Variants in ADARB2 observed in about 807,000 individuals in gnomAD.
ADARB2 encodes the protein inactive double-stranded RNA-specific editase B2.
A neutral mutation model predicts 62.2 loss-of-function variants in ADARB2; 25 were observed. The observed-to-expected ratio is 0.40, with a 90% CI of 0.29 to 0.56. The LOEUF (loss-of-function observed/expected upper bound fraction) is 0.56. Among genes scored for constraint, ADARB2 ranks in the 20% least tolerant of loss-of-function variants. The pLI is 0.43. For missense variants in ADARB2, 1,071 were observed against 1,077.4 expected (o/e 0.99, Z 0.08); for synonymous variants, 572 against 500.8 (o/e 1.14, Z -1.90).
At chr10:1,332,125 TG>T (rs1831933579) in intron 3 of ADARB2, among the ~76,000 whole-genome samples, 1 of 152,248 alleles carries the variant, frequency 6.6e-6, no homozygotes, top group Non-Finnish European at 1.5e-5. Flanking sequence ...ACACACTTGC[TG>T]GGTGTGGTGG....
intron 1 of ADARB2, among the ~76,000 whole-genome samples, chr10:1,641,012 G>A (rs545837861): frequency 2.0e-5 from 3 of 152,164 alleles, no homozygotes; most frequent in South Asian, 2.1e-4. Context: ...AGATTCTAGC[G>A]AAAAAGTATT....
intron 1 of ADARB2, among the ~76,000 whole-genome samples, chr10:1,616,563 A>G (rs1403649444): frequency 1.2e-5 from 1 of 82,770 alleles, no homozygotes; most frequent in Non-Finnish European, 2.5e-5. Context: ...GTCCAGACAC[A>G]CTCCGCACCA....
At chr10:1,510,174 CTTTCTTTCTT>C (rs1347599477) in intron 1 of ADARB2, among the ~76,000 whole-genome samples, 2 of 80,628 alleles carry the variant, frequency 2.5e-5, no homozygotes, top group African/African-American at 4.7e-5. Context: ...CTTTCTTTTT[CTTTCTTTCTT>C]TTTCTTTCTT....
At chr10:1,616,715 G>A (rs1212604882) in intron 1 of ADARB2, among the ~76,000 whole-genome samples, 1 of 147,406 alleles carries the variant, frequency 6.8e-6, no homozygotes, top group African/African-American at 2.5e-5. Flanking sequence ...GCTGCATTCT[G>A]TTGCTAGATG....
intron 1 of ADARB2, among the ~76,000 whole-genome samples, chr10:1,553,013 G>A (rs1454536068): frequency 6.6e-6 from 1 of 152,202 alleles, no homozygotes; most frequent in Non-Finnish European, 1.5e-5. Flanking sequence ...GTCACTGTGG[G>A]AACATCCTGG....
chr10:1,345,963 C>T lies in ADARB2; in HGVS notation c.1077+17065G>A, dbSNP rs909308159. 2.6e-5 allele frequency among the ~76,000 whole-genome samples: 4 copies of T among 152,228 alleles called. No individual in the cohort carries two copies. In the East Asian group the frequency reaches 7.7e-4, roughly 29 times the overall value. On this transcript the variant is annotated intron_variant, in intron 3 of 9. Transcript: ENST00000381312. ...TTTACTAAAATCATCACAAATGAAC[C>T]GTGGTTAAGGCAAAAGAGAGACTGC...
At chr10:1,460,621 C>T (rs113165199) in intron 1 of ADARB2, among the ~76,000 whole-genome samples, 590 of 38,516 alleles carry the variant, frequency 0.015, 2 homozygotes, top group Middle Eastern at 0.056. Flanking sequence ...AGTTTACCTG[C>T]GTAGCAAACC....
chr10:1,580,042 C>A (rs1035408646), intron 1 of ADARB2, among the ~76,000 whole-genome samples: 27 of 152,210 alleles, frequency 1.8e-4, no homozygotes, highest in African/African-American at 6.3e-4. Context: ...ACGAGGCAGA[C>A]GAGCGAGTCA....
intron 1 of ADARB2, among the ~76,000 whole-genome samples, chr10:1,547,830 G>T (rs1832549296): frequency 6.6e-6 from 1 of 151,810 alleles, no homozygotes. Flanking sequence ...CTGTGGGGAG[G>T]GGGAGATAGG....
At chr10:1,536,695 G>T (rs1362766078) in intron 1 of ADARB2, among the ~76,000 whole-genome samples, 1 of 152,158 alleles carries the variant, frequency 6.6e-6, no homozygotes, top group Non-Finnish European at 1.5e-5. Flanking sequence ...AATAAAAATT[G>T]CTCTTTTTCA....
chr10:1,336,389 A>T (rs1235390510), intron 3 of ADARB2, among the ~76,000 whole-genome samples: 3 of 152,130 alleles, frequency 2.0e-5, no homozygotes, highest in Non-Finnish European at 4.4e-5. Flanking sequence ...CCGGTTCCTA[A>T]TCAATGCTTT....
chr10:1,473,965 A>G lies in ADARB2; in HGVS notation c.101-94805T>C, dbSNP rs575351668. Among the ~76,000 whole-genome samples, 36 of 149,360 alleles carry G rather than the reference A, an allele frequency of 2.4e-4. 2 individuals carry two copies. In the East Asian group the frequency reaches 6.9e-3, roughly 29 times the overall value. On this transcript the variant is annotated intron_variant, in intron 1 of 9. Coordinates refer to ENST00000381312, the MANE Select transcript of ADARB2 (RefSeq NM_018702.4). ...CAGGGGACCGGGTAGTTTCTAGTGC[A>G]GGAGATGTGCCTTTCCTTGCTGAGC...
At chr10:1,736,648 C>T (rs748610551) in intron 1 of ADARB2, among the ~76,000 whole-genome samples, 2 of 152,186 alleles carry the variant, frequency 1.3e-5, no homozygotes, top group East Asian at 1.9e-4. Context: ...GAGTAGCTGG[C>T]GCGAGGGCTC....
In ADARB2 at chr10:1,724,806, T is replaced by C. The variant is rs546184268; in HGVS notation, c.100+12245A>G. On this transcript the variant is annotated intron_variant, in intron 1 of 9. Transcript: ENST00000381312. ...TAGGGTGGGGGCCACAGAACTTTAATAAGCAGGGGTGTCGTAGGGAGAATG... is the reference window on the plus strand; with the variant it reads ...TAGGGTGGGGGCCACAGAACTTTAACAAGCAGGGGTGTCGTAGGGAGAATG... Among the ~76,000 whole-genome samples the C allele has an allele frequency of 2.6e-5, 4 of 152,290 alleles. 1 individual carries two copies. The South Asian group carries it at 8.3e-4, about 32-fold the overall frequency.
intron 1 of ADARB2, among the ~76,000 whole-genome samples, chr10:1,584,216 A>G (rs1183510120): frequency 6.6e-6 from 1 of 152,226 alleles, no homozygotes; most frequent in East Asian, 1.9e-4. Context: ...TTAGGAGAAA[A>G]TATATAAAGG....
At chr10:1,522,458 C>T (rs1832084588) in intron 1 of ADARB2, among the ~76,000 whole-genome samples, 1 of 152,170 alleles carries the variant, frequency 6.6e-6, no homozygotes, top group Admixed American at 6.5e-5. Context: ...TTCCTGCAAA[C>T]CAGAAACCAG....
rs377183151 is a variant in ADARB2, at chr10:1,560,809, C to A, written c.100+176242G>T. Among the ~76,000 whole-genome samples the A allele has an allele frequency of 3.5e-4, 54 of 152,348 alleles. No homozygotes were observed. In the South Asian group the frequency reaches 0.011, roughly 31 times the overall value. The stretch of plus-strand genomic sequence containing the variant: ...CTACACCGAGCCCCAGACTGGGCAG[C>A]TGGCTGTTGCAGGGAGTTTGAAGAC... On this transcript the variant is annotated intron_variant, in intron 1 of 9. Coordinates refer to ENST00000381312, the MANE Select transcript of ADARB2 (RefSeq NM_018702.4).
chr10:1,200,254 C>G, intron 7 of ADARB2, 107 bp from the exon 8 acceptor site: 1 of 1,455,404 alleles, frequency 6.9e-7, no homozygotes, highest in Admixed American at 2.0e-5. Flanking sequence ...GTCTTCCCAT[C>G]GTGCGGACCT....
chr10:1,225,532 T>C (rs932590922), intron 6 of ADARB2, among the ~76,000 whole-genome samples: 2 of 152,246 alleles, frequency 1.3e-5, no homozygotes, highest in East Asian at 3.8e-4. Context: ...TTTGGCATGT[T>C]TTTGCAGTGG....
Sources: gnomAD v4.1 joint callset for allele counts (sites outside exome capture counted in the v4.1 genomes callset) on GRCh38, gnomAD v4.1.1 for gene constraint, MANE v1.5 for transcripts, NCBI Gene and HGNC (gene_info 2026-07-23, HGNC 2026-07-21) for gene names.